The following CTBP2 variants were observed in gnomAD, a reference collection of about 807,000 sequenced individuals.
The protein encoded by CTBP2 is C-terminal-binding protein 2.
CTBP2 carries 30 observed loss-of-function variants against 80.3 expected under a neutral mutation model. The ratio of observed to expected loss-of-function variants is 0.37; its 90% CI spans 0.28 to 0.51. The LOEUF is 0.51. Ranked by LOEUF, CTBP2 falls within the 20% of genes least tolerant of loss-of-function variation. The pLI is 0.93. For missense variants in CTBP2, 1,212 were observed against 1,375.3 expected (o/e 0.88, Z 1.88); for synonymous variants, 594 against 587.4 (o/e 1.01, Z -0.16).
intron 1 of CTBP2, chr10:125,159,912 C>A (rs1187217477): frequency 6.5e-6 from 1 of 153,906 alleles, no homozygotes; most frequent in Non-Finnish European, 1.4e-5. Flanking sequence ...GAGACGCCGC[C>A]GCCGCCGCCG....
chr10:125,019,277 G>A (rs1295169042), intron 1 of CTBP2, among the ~76,000 whole-genome samples: 1 of 152,060 alleles, frequency 6.6e-6, no homozygotes, highest in Non-Finnish European at 1.5e-5. Context: ...TTTCTACATC[G>A]CTAACGTGGG....
At chr10:125,030,330 G>T (rs1958048178), upstream of CTBP2, among the ~76,000 whole-genome samples, 1 of 152,194 alleles carries the variant, frequency 6.6e-6, no homozygotes, top group South Asian at 2.1e-4. Flanking sequence ...TAAGATGATT[G>T]TGTAACATAG....
At position 125,073,798 on chromosome 10, in the gene CTBP2, C is replaced by T. The variant is rs141840915; in HGVS notation, c.-101-34643G>A. 1.1e-4 allele frequency among the ~76,000 whole-genome samples: 16 copies of T among 152,322 alleles called. No homozygotes were observed. In the South Asian group the frequency reaches 2.1e-3, roughly 20 times the overall value. Reference sequence around the variant, plus strand: ...ATAAAATGGCCAGCATCTCTGCGTGCTGCCCCCCGGAAAGGGTCCGGACAT... The same window carrying T: ...ATAAAATGGCCAGCATCTCTGCGTGTTGCCCCCCGGAAAGGGTCCGGACAT... On this transcript the variant is annotated intron_variant, in intron 2 of 10. Transcript: ENST00000337195.
intron 1 of CTBP2, among the ~76,000 whole-genome samples, chr10:125,124,333 G>A (rs61869200): frequency 6.6e-6 from 1 of 152,178 alleles, no homozygotes; most frequent in Non-Finnish European, 1.5e-5. Context: ...AGCACTCCCG[G>A]TAACTCCCCG....
chr10:125,098,720 GAGAC>G (rs1564914234), intron 2 of CTBP2, among the ~76,000 whole-genome samples: 5 of 117,028 alleles, frequency 4.3e-5, no homozygotes, highest in East Asian at 4.9e-4. Context: ...GAGAGAGAGA[GAGAC>G]AGAGAGAGAG....
At chr10:125,018,560 CAAA>C (rs1956742825) in intron 1 of CTBP2, among the ~76,000 whole-genome samples, 1 of 132,160 alleles carries the variant, frequency 7.6e-6, no homozygotes, top group Admixed American at 8.3e-5. Flanking sequence ...AACCAACAAA[CAAA>C]CAAACAAACA....
At chr10:125,126,838 G>A (rs892107526) in intron 1 of CTBP2, among the ~76,000 whole-genome samples, 1 of 152,096 alleles carries the variant, frequency 6.6e-6, no homozygotes, top group African/African-American at 2.4e-5. Flanking sequence ...AGAGCTGCGT[G>A]CACTTCTGAT....
At chr10:125,157,393 TAAA>T (rs11355614) in intron 1 of CTBP2, among the ~76,000 whole-genome samples, 4 of 112,596 alleles carry the variant, frequency 3.6e-5, no homozygotes, top group Admixed American at 1.8e-4. Flanking sequence ...AGGTGGGGGT[TAAA>T]AAAAAAAAAA....
intron 1 of CTBP2, among the ~76,000 whole-genome samples, chr10:125,159,457 C>G (rs1410679575): frequency 6.2e-5 from 9 of 146,054 alleles, no homozygotes; most frequent in Non-Finnish European, 1.4e-4. Flanking sequence ...GCCCCCCGCC[C>G]CGCCGCGACT....
At chr10:125,005,683 T>A in intron 1 of CTBP2, 1 of 1,612,914 alleles carries the variant, frequency 6.2e-7, no homozygotes, top group African/African-American at 1.3e-5. Flanking sequence ...TGGGCTCCTG[T>A]TTTCTGCTAA....
chr10:125,045,495 C>T (rs182496826), intron 2 of CTBP2, among the ~76,000 whole-genome samples: 34 of 151,806 alleles, frequency 2.2e-4, no homozygotes, highest in African/African-American at 7.5e-4. Context: ...CATACCATGC[C>T]CTAAAGGTAA....
intron 1 of CTBP2, among the ~76,000 whole-genome samples, chr10:125,017,896 C>A (rs1053762844): frequency 6.6e-6 from 1 of 152,096 alleles, no homozygotes; most frequent in Non-Finnish European, 1.5e-5. Context: ...ACCATCACCC[C>A]AGTGTTACCC....
upstream of CTBP2, among the ~76,000 whole-genome samples, chr10:125,162,166 A>G (rs966707700): frequency 1.3e-5 from 2 of 152,076 alleles, no homozygotes; most frequent in African/African-American, 4.8e-5. Context: ...CCCTATTGAG[A>G]TATTAGGAGC....
At chr10:125,096,088 TC>T (rs1284624210) in intron 2 of CTBP2, among the ~76,000 whole-genome samples, 1 of 152,222 alleles carries the variant, frequency 6.6e-6, no homozygotes, top group African/African-American at 2.4e-5. Context: ...AGGGGGTTAT[TC>T]TTTTGTCCCC....
At chr10:125,101,508 C>T (rs1019008562) in intron 2 of CTBP2, among the ~76,000 whole-genome samples, 4 of 152,298 alleles carry the variant, frequency 2.6e-5, no homozygotes, top group East Asian at 1.9e-4. Context: ...AACCCCAATG[C>T]GTGACATTTG....
chr10:125,098,971 G>A (rs1302093296), intron 2 of CTBP2, among the ~76,000 whole-genome samples: 1 of 152,196 alleles, frequency 6.6e-6, no homozygotes, highest in Non-Finnish European at 1.5e-5. Context: ...AACTCAGCAA[G>A]CTCACCTGAC....
At chr10:125,112,219 TCTC>T (rs1459236880) in intron 1 of CTBP2, among the ~76,000 whole-genome samples, 2 of 149,704 alleles carry the variant, frequency 1.3e-5, no homozygotes, top group Admixed American at 6.7e-5. Context: ...TTCAGGCAAT[TCTC>T]CTGCCTCGGC....
rs114520932 is a variant in CTBP2, at chr10:125,035,585, G to C, written c.58+3412C>G. 3.2e-3 allele frequency among the ~76,000 whole-genome samples: 491 copies of C among 152,342 alleles called. 2 individuals are homozygous for C. The highest frequency in any genetic ancestry group is 0.011 in the African/African-American group (473 of 41,574). ...ATTCTATCATAATCCACAAGAAGCA[G>C]CTCTAACAAAAAGTTACCACCAACA... On this transcript the variant is annotated intron_variant, in intron 3 of 10. Coordinates refer to the CTBP2 transcript ENST00000337195.
chr10:125,052,345 C>G (rs1962981816), intron 2 of CTBP2, among the ~76,000 whole-genome samples: 1 of 152,204 alleles, frequency 6.6e-6, no homozygotes, highest in African/African-American at 2.4e-5. Flanking sequence ...CAGCAGTGGT[C>G]AGAGGGGCTG....
Sources: allele counts gnomAD v4.1 joint callset (sites outside exome capture counted in the v4.1 genomes callset), GRCh38; gene constraint gnomAD v4.1.1; transcripts MANE v1.5; gene names NCBI Gene and HGNC (gene_info 2026-07-23, HGNC 2026-07-21).